FBN3: variants seen among roughly 807,000 people sequenced by gnomAD.
FBN3 encodes the protein fibrillin 3, also known as fibrillin-3.
FBN3 carries 234 observed loss-of-function variants against 330.1 expected under a neutral mutation model. The observed-to-expected ratio is 0.71, with a 90% CI of 0.64 to 0.79. The LOEUF is 0.79. FBN3 is among the 30% of genes least tolerant of loss of function. The pLI is 0.00. For synonymous variants in FBN3, 1,458 were observed against 1,517.3 expected (o/e 0.96, Z 0.91); for missense variants, 3,606 against 3,886.9 (o/e 0.93, Z 1.92).
intron 30 of FBN3, among the ~76,000 whole-genome samples, chr19:8,114,507 C>T (rs1400314463): frequency 6.6e-6 from 1 of 152,178 alleles, no homozygotes; most frequent in African/African-American, 2.4e-5. Context: ...CCTCAGCCCC[C>T]AAAGTGCTGG....
At chr19:8,130,284 C>T (rs2083093342) in intron 16 of FBN3, among the ~76,000 whole-genome samples, 1 of 150,172 alleles carries the variant, frequency 6.7e-6, no homozygotes, top group African/African-American at 2.4e-5. Flanking sequence ...GGGTGGATCA[C>T]TTGAGGCTAG....
chr19:8,109,327 G>T lies in FBN3; in HGVS notation c.4518C>A (p.Cys1506Ter). The T allele has an allele frequency of 6.2e-7, 1 of 1,614,188 alleles. No homozygotes were observed. Among genetic ancestry groups the T allele is most frequent in the Non-Finnish European group, 8.5e-7 (1 of 1,180,026 alleles). The change falls in exon 36 of 64, where the codon TGC (cysteine) becomes TGA (stop). Residue 1506 changes from cysteine to a stop codon, truncating the protein, a stop_gained. Coordinates refer to ENST00000600128, the MANE Select transcript of FBN3 (RefSeq NM_032447.5). LOFTEE classifies it high-confidence loss of function. The surrounding 1 kb of genome is among the most constrained non-coding windows in gnomAD (Gnocchi z 5.2). ...THDRGDSGISCSAEIGVGVTR... is the reference protein window; with the variant it reads ...THDRGDSGIS ...TGACACCAACTCCGATCTCGGCACT[G>T]CAGGAAATGCCACTGTCCCCTCGGT...
Position 8,096,308 on chromosome 19 carries a change from C to T in FBN3, c.5539+136G>A. On this transcript the variant is annotated intron_variant, in intron 44 of 63. Coordinates refer to ENST00000600128, the MANE Select transcript of FBN3 (RefSeq NM_032447.5). The surrounding 1 kb of genome is among the most constrained non-coding windows in gnomAD (Gnocchi z 4.6). ...ACAGGGAGGCAGATCAACCATTTACCCAAGATCTTAATCTCAGGACCCAAA... is the reference window on the plus strand; with the variant it reads ...ACAGGGAGGCAGATCAACCATTTACTCAAGATCTTAATCTCAGGACCCAAA... The T allele has an allele frequency of 8.7e-7, 1 of 1,148,528 alleles. No homozygotes were observed. 71.1% of individuals were successfully genotyped at this position (1,148,528 alleles called of 1,614,324 possible).
chr19:8,116,422 G>T (rs2082705852), intron 29 of FBN3, among the ~76,000 whole-genome samples: 1 of 152,226 alleles, frequency 6.6e-6, no homozygotes, highest in Non-Finnish European at 1.5e-5. Context: ...CCATTTAAAA[G>T]AGCAAGGTTT....
rs1033796889 is a variant in FBN3 at position 8,090,225 on chromosome 19, G to C, written c.6058C>G (p.Arg2020Gly). The change falls in exon 49 of 64, where the codon CGT (arginine) becomes GGT (glycine). Residue 2020 changes from arginine (R) to glycine (G), a missense_variant. Arg to Gly is a moderately radical substitution (Grantham distance 125). Coordinates refer to ENST00000600128, the MANE Select transcript of FBN3 (RefSeq NM_032447.5). ...FDTRQSFCFTRFEAGKCSVPK... is the reference protein window; with the variant it reads ...FDTRQSFCFTGFEAGKCSVPK... ...ACCGAGCACTTCCCAGCCTCAAAAC[G>C]GGTGAAGCAGAAACTCTGCCGTGTG... The C allele has an allele frequency of 5.0e-6, 8 of 1,613,866 alleles. No individual in the cohort carries two copies. The highest frequency in any genetic ancestry group is 3.3e-4 in the Middle Eastern group (2 of 6,080).
At chr19:8,125,508 A>G (rs1214938364) in intron 22 of FBN3, among the ~76,000 whole-genome samples, 1 of 151,900 alleles carries the variant, frequency 6.6e-6, no homozygotes, top group Non-Finnish European at 1.5e-5. Context: ...TCTCCTGTTC[A>G]GGCCAGGCGT....
chr19:8,102,732 G>A lies in FBN3; in HGVS notation c.5081C>T (p.Pro1694Leu). The A allele has an allele frequency of 6.2e-7, 1 of 1,612,730 alleles. No homozygotes were observed. The highest frequency in any genetic ancestry group is 1.8e-4 in the Middle Eastern group (1 of 5,658). ...WNRPCEACPT[P>L]ISPDYQILCG... ...TGGGGAGGGTTACTCACGACTGATGGGAGTGGGGCAGGCCTCACAGGGTCT... is the reference window on the plus strand; with the variant it reads ...TGGGGAGGGTTACTCACGACTGATGAGAGTGGGGCAGGCCTCACAGGGTCT... Residue 1694 changes from proline (P) to leucine (L), a missense_variant, in exon 40 of 64, where the codon CCC (proline) becomes CTC (leucine). Physicochemically the swap from Pro to Leu is moderately conservative, Grantham distance 98. Coordinates refer to ENST00000600128, the MANE Select transcript of FBN3 (RefSeq NM_032447.5).
chr19:8,086,129 T>TG (rs536973519), intron 55 of FBN3, 71 bp downstream of exon 55: 1,264 of 773,460 alleles, frequency 1.6e-3, no homozygotes, highest in East Asian at 4.6e-3. Context: ...GAACAGGCAG[T>TG]GGGGGGGGAC....
rs3813780 is a variant in FBN3 at position 8,096,726 on chromosome 19, C to T, written c.5413+155G>A. On this transcript the variant is annotated intron_variant, in intron 43 of 63. Transcript: ENST00000600128. This position sits in a 1 kb window ranked among gnomAD's most constrained non-coding sequence, Gnocchi z 4.6. Reference sequence around the variant, plus strand: ...TGTCTGCATGGACCTGAGCTCTCACCTCTATCACATCCTATTAACAGACAC... The same window carrying T: ...TGTCTGCATGGACCTGAGCTCTCACTTCTATCACATCCTATTAACAGACAC... 0.2 allele frequency among the ~76,000 whole-genome samples: 30,026 copies of T among 152,076 alleles called. 3,086 individuals are homozygous for T. Among genetic ancestry groups the T allele is most frequent in the Middle Eastern group, 0.26 (75 of 288 alleles).
At chr19:8,127,048 G>GTTTTTTTTT (rs140844932) in intron 18 of FBN3, among the ~76,000 whole-genome samples, 1 of 113,916 alleles carries the variant, frequency 8.8e-6, no homozygotes, top group African/African-American at 3.1e-5. Flanking sequence ...ATGCCAAACT[G>GTTTTTTTTT]TTTTTTTTTT....
In FBN3 at chr19:8,093,268, G is replaced by A. The variant is rs575742143; in HGVS notation, c.5905+1178C>T. Among the ~76,000 whole-genome samples the A allele has an allele frequency of 1.4e-3, 212 of 151,930 alleles. 2 individuals carry two copies. Among genetic ancestry groups the A allele is most frequent in the African/African-American group, 4.8e-3 (199 of 41,456 alleles). On this transcript the variant is annotated intron_variant, in intron 47 of 63. Transcript: ENST00000600128. ...TTTGGTAGGCTGAGGTGGGAGGATC[G>A]CTTGAGGTCAGGAGTTTGACACCAG...
intron 30 of FBN3, 78 bp from the exon 31 acceptor site, chr19:8,112,177 G>A: frequency 6.7e-7 from 1 of 1,483,430 alleles, no homozygotes. Flanking sequence ...GAAAGGGCAG[G>A]GACTCTTCCT....
chr19:8,126,197 A>C (rs1225633330), intron 21 of FBN3, 100 bp downstream of exon 21: 2 of 1,448,244 alleles, frequency 1.4e-6, no homozygotes, highest in Non-Finnish European at 1.9e-6. Context: ...ATCGCAAAAG[A>C]CTCCAGGGCG....
Position 8,103,667 on chromosome 19 carries a change from G to A in FBN3, c.4834C>T (p.His1612Tyr). 6.2e-7 allele frequency: 1 copy of A among 1,613,602 alleles called. No homozygotes were observed. Among genetic ancestry groups the A allele is most frequent in the African/African-American group, 1.3e-5 (1 of 75,034 alleles). ...GTGCCAGGGCCACAGATGCCGGAGT[G>A]TGTGGAGCATTCGTCAATATCTGCA... ...ICEDIDECST[H>Y]SGICGPGTCY... Residue 1612 changes from histidine (H) to tyrosine (Y), a missense_variant, in exon 39 of 64, where the codon CAC becomes TAC. Physicochemically the swap from His to Tyr is moderately conservative, Grantham distance 83 (BLOSUM62 2). Transcript: ENST00000600128.
intron 63 of FBN3, among the ~76,000 whole-genome samples, chr19:8,071,525 T>G (rs911205688): frequency 1.3e-5 from 2 of 152,242 alleles, no homozygotes; most frequent in African/African-American, 4.8e-5. Context: ...TGGGCTTAAC[T>G]TGGCCTAAGG....
chr19:8,086,190 C>G lies in FBN3; in HGVS notation c.6880+10G>C. The G allele has an allele frequency of 6.4e-7, 1 of 1,554,126 alleles. No homozygotes were observed. Among genetic ancestry groups the G allele is most frequent in the Admixed American group, 1.8e-5 (1 of 56,686 alleles). ...GGTTGCAACCACTGTGCGTGTCCAG[C>G]CACACTCACCGTGGCACTCGGTAAG... On this transcript the variant is annotated intron_variant, in intron 55 of 63. Coordinates refer to ENST00000600128, the MANE Select transcript of FBN3 (RefSeq NM_032447.5).
At chr19:8,117,423 G>A in intron 27 of FBN3, 41 bp downstream of exon 27, 1 of 1,556,580 alleles carries the variant, frequency 6.4e-7, no homozygotes, top group Non-Finnish European at 8.7e-7. Flanking sequence ...GTCTGGGACT[G>A]TGGTTGGTGC....
Position 8,117,378 on chromosome 19 carries a change from G to C in FBN3, c.3463+86C>G. On this transcript the variant is annotated intron_variant, in intron 27 of 63. Coordinates refer to ENST00000600128, the MANE Select transcript of FBN3 (RefSeq NM_032447.5). ...GCTGGTTTGGGGGTGGGAGCAGAGT[G>C]GAGTTGAGGTGAGGACAGGAGGAGC... 1.9e-6 allele frequency: 3 copies of C among 1,543,146 alleles called. No homozygotes were observed. In the South Asian group the frequency reaches 3.6e-5, roughly 18 times the overall value.
rs201652605 is a variant in FBN3, at chr19:8,111,746, T to C, written c.3986A>G (p.Glu1329Gly). ...GTCACCTCTTGGGCTGCACCGGTGC[T>C]CCTGGGAGACGCATTCATCCAGGTC... Reference protein sequence around the residue: ...CHDLDECVSQEHRCSPRGDCL... With the variant: ...CHDLDECVSQGHRCSPRGDCL... The change falls in exon 32 of 64, where the codon GAG becomes GGG. Residue 1329 changes from glutamate (E) to glycine (G), a missense_variant. Coordinates refer to ENST00000600128, the MANE Select transcript of FBN3 (RefSeq NM_032447.5). 2 of 1,612,340 alleles carry C rather than the reference T, an allele frequency of 1.2e-6. No individual in the cohort carries two copies. Among genetic ancestry groups the C allele is most frequent in the Non-Finnish European group, 1.7e-6 (2 of 1,178,980 alleles).
Sources: allele counts gnomAD v4.1 joint callset (sites outside exome capture counted in the v4.1 genomes callset), GRCh38; gene constraint gnomAD v4.1.1; non-coding constraint Gnocchi (gnomAD v3.1); transcripts MANE v1.5; gene names NCBI Gene and HGNC (gene_info 2026-07-23, HGNC 2026-07-21).